E2F2: variants seen among roughly 807,000 people sequenced by gnomAD.
The protein encoded by E2F2 is E2F transcription factor 2.
In E2F2, 22 loss-of-function variants were observed where a neutral mutation model predicts 42.2. The observed-to-expected ratio is 0.52, with a 90% CI of 0.37 to 0.74. E2F2 has a LOEUF of 0.74. Ranked by LOEUF, E2F2 falls within the 30% of genes least tolerant of loss-of-function variation. The pLI, the probability that E2F2 is intolerant of heterozygous loss-of-function variation, is 0.00. For missense variants in E2F2, 481 were observed against 557.8 expected, an observed-to-expected ratio of 0.86 and a Z score of 1.39; for synonymous variants, 248 against 251.6, an observed-to-expected ratio of 0.99 and a Z score of 0.13.
chr1:23,513,515 G>T (rs1420561921), intron 6 of E2F2, among the ~76,000 whole-genome samples: 1 of 151,570 alleles, frequency 6.6e-6, no homozygotes, highest in Non-Finnish European at 1.5e-5. Flanking sequence ...CATGGCTTCT[G>T]GCACTCAGAC....
At chr1:23,527,066 TC>T (rs1488478913) in intron 1 of E2F2, among the ~76,000 whole-genome samples, 1 of 152,202 alleles carries the variant, frequency 6.6e-6, no homozygotes, top group Non-Finnish European at 1.5e-5. Context: ...AGGATCAGCA[TC>T]AAGGTGAGGC....
intron 6 of E2F2, among the ~76,000 whole-genome samples, chr1:23,510,982 A>T (rs1185979024): frequency 6.6e-6 from 1 of 152,054 alleles, no homozygotes; most frequent in Admixed American, 6.6e-5. Context: ...ACCTGACCTC[A>T]TCACCCTCTC....
intron 6 of E2F2, among the ~76,000 whole-genome samples, chr1:23,512,206 A>AAAAT (rs1032380079): frequency 6.6e-6 from 1 of 152,176 alleles, no homozygotes; most frequent in African/African-American, 2.4e-5. Context: ...TCTCAAAATA[A>AAAAT]AAATAAATAA....
Position 23,509,808 on chromosome 1 carries a change from G to C in E2F2, c.*72C>G. 1.4e-6 allele frequency: 2 copies of C among 1,479,662 alleles called. No homozygotes were observed. Among genetic ancestry groups the C allele is most frequent in the Non-Finnish European group, 1.8e-6 (2 of 1,113,236 alleles). The allele number at this position is 1,479,662 out of a possible 1,614,324, so 91.7% of individuals were successfully genotyped here. ...ACCTAGTGTCCAATGTCCCTGTGCA[G>C]GCAGAGGGGCTGTCAGCCTGTCTGT... On this transcript the variant is annotated 3_prime_UTR_variant, in exon 7 of 7. Coordinates refer to ENST00000361729, the MANE Select transcript of E2F2 (RefSeq NM_004091.4).
At chr1:23,528,056 T>G (rs956195051) in intron 1 of E2F2, among the ~76,000 whole-genome samples, 5 of 152,200 alleles carry the variant, frequency 3.3e-5, no homozygotes, top group African/African-American at 1.2e-4. Flanking sequence ...AGGTGGAGTT[T>G]GCAGTGAGCA....
chr1:23,514,820 A>G lies in E2F2; in HGVS notation c.1045+1515T>C, dbSNP rs1442206770. Among the ~76,000 whole-genome samples the G allele has an allele frequency of 2.2e-5, 3 of 135,864 alleles. No homozygotes were observed. In the Admixed American group the frequency reaches 2.4e-4, roughly 11 times the overall value. 89.1% of individuals were successfully genotyped at this position (135,864 alleles called of 152,430 possible). On this transcript the variant is annotated intron_variant, in intron 6 of 6. Coordinates refer to ENST00000361729, the MANE Select transcript of E2F2 (RefSeq NM_004091.4). ...CCATTGCACTCCAGCCTGGTGACGG[A>G]GCGAGACTGTCTCAAAAAAAAAAAA...
chr1:23,521,555 C>T, intron 3 of E2F2: 1 of 985,366 alleles, frequency 1.0e-6, no homozygotes, highest in Non-Finnish European at 1.2e-6. Flanking sequence ...ATCTGAGGTT[C>T]CCTTTGGCCT....
intron 1 of E2F2, among the ~76,000 whole-genome samples, 185 bp from the exon 2 acceptor site, chr1:23,524,673 C>T (rs1570471224): frequency 6.6e-6 from 1 of 152,326 alleles, no homozygotes; most frequent in South Asian, 2.1e-4. Flanking sequence ...AGTGAGCTTT[C>T]AGGGGAAATC....
At chr1:23,515,898 C>T (rs1045261613) in intron 6 of E2F2, among the ~76,000 whole-genome samples, 5 of 152,202 alleles carry the variant, frequency 3.3e-5, no homozygotes, top group African/African-American at 1.2e-4. Flanking sequence ...GACAGGGTAT[C>T]CCTATGTTGC....
intron 6 of E2F2, among the ~76,000 whole-genome samples, chr1:23,513,874 A>G (rs1642963193): frequency 6.6e-6 from 1 of 152,066 alleles, no homozygotes; most frequent in African/African-American, 2.4e-5. Flanking sequence ...CTGTAATCCC[A>G]GCACTTTGGG....
intron 6 of E2F2, among the ~76,000 whole-genome samples, chr1:23,513,114 A>G (rs534438339): frequency 4.5e-5 from 6 of 131,924 alleles, no homozygotes; most frequent in Admixed American, 1.6e-4. Flanking sequence ...GGCTGGCCAC[A>G]TAAGTTTTTT....
intron 5 of E2F2, among the ~76,000 whole-genome samples, chr1:23,516,800 G>T (rs1004298867): frequency 9.2e-4 from 37 of 40,148 alleles, no homozygotes; most frequent in African/African-American, 1.9e-3. Flanking sequence ...TTTTGGGGCG[G>T]GGGGGGGGGG....
chr1:23,511,981 T>C (rs1216282980), intron 6 of E2F2, among the ~76,000 whole-genome samples: 1 of 152,136 alleles, frequency 6.6e-6, no homozygotes, highest in African/African-American at 2.4e-5. Context: ...GCAGATCACC[T>C]GAGGTCAGGA....
chr1:23,524,891 G>C (rs1643224431), intron 1 of E2F2, among the ~76,000 whole-genome samples: 1 of 152,168 alleles, frequency 6.6e-6, no homozygotes, highest in East Asian at 1.9e-4. Context: ...GTGGGGAAAG[G>C]GCCCCCCTAC....
At chr1:23,521,705 C>T in intron 3 of E2F2, 132 bp downstream of exon 3, 1 of 1,484,666 alleles carries the variant, frequency 6.7e-7, no homozygotes. Context: ...CTTGGTCCGC[C>T]TCAGCCCTTG....
chr1:23,513,118 G>GTTT (rs11449034), intron 6 of E2F2, among the ~76,000 whole-genome samples: 10 of 139,630 alleles, frequency 7.2e-5, no homozygotes, highest in Non-Finnish European at 9.2e-5. Context: ...GGCCACATAA[G>GTTT]TTTTTTTTTT....
At chr1:23,512,361 G>A (rs1332514604) in intron 6 of E2F2, among the ~76,000 whole-genome samples, 2 of 152,102 alleles carry the variant, frequency 1.3e-5, no homozygotes, top group Non-Finnish European at 2.9e-5. Flanking sequence ...CAGCCTCCTT[G>A]CACACTCAAA....
chr1:23,531,195 T>G lies in E2F2; in HGVS notation c.-402A>C. 1 of 202,148 alleles carries G rather than the reference T, an allele frequency of 4.9e-6. No homozygotes were observed. The highest frequency in any genetic ancestry group is 1.1e-4 in the East Asian group (1 of 8,998). The allele number at this position is 202,148 out of a possible 1,614,324, so 12.5% of individuals were successfully genotyped here. Reference sequence around the variant, plus strand: ...GGAGGGGGGTCTCGACTGCACCGACTTCCTTGCGGCTCGCTCTCTAGTCCT... The same window carrying G: ...GGAGGGGGGTCTCGACTGCACCGACGTCCTTGCGGCTCGCTCTCTAGTCCT... On this transcript the variant is annotated 5_prime_UTR_variant, in exon 1 of 7. Coordinates refer to ENST00000361729, the MANE Select transcript of E2F2 (RefSeq NM_004091.4).
chr1:23,522,095 G>C (rs1260695606), intron 2 of E2F2, 39 bp from the exon 3 acceptor site: 1 of 1,597,106 alleles, frequency 6.3e-7, no homozygotes, highest in Non-Finnish European at 8.6e-7. Flanking sequence ...TCAGGGAGGG[G>C]AGGGCCCGCC....
Sources: gnomAD v4.1 joint callset for allele counts (sites outside exome capture counted in the v4.1 genomes callset) on GRCh38, gnomAD v4.1.1 for gene constraint, MANE v1.5 for transcripts, NCBI Gene and HGNC (gene_info 2026-07-23, HGNC 2026-07-21) for gene names.